RSRC1: variants seen among roughly 807,000 people sequenced by gnomAD.
The protein encoded by RSRC1 is arginine and serine rich coiled-coil 1.
Under a neutral mutation model 49.1 loss-of-function variants are expected in RSRC1, and 39 were observed. The ratio of observed to expected loss-of-function variants is 0.79; its 90% CI spans 0.61 to 1.04. The LOEUF is 1.04. Ranked by LOEUF, RSRC1 falls within the 50% of genes least tolerant of loss-of-function variation. The pLI is 0.00. For synonymous variants in RSRC1, 143 were observed against 130.8 expected (o/e 1.09, Z -0.63); for missense variants, 388 against 402.4 (o/e 0.96, Z 0.31).
chr3:158,120,533 T>C (rs1715174106), intron 1 of RSRC1, among the ~76,000 whole-genome samples: 1 of 147,504 alleles, frequency 6.8e-6, no homozygotes, highest in African/African-American at 2.5e-5. Context: ...TTATTAAATA[T>C]ATAAATAATA....
At chr3:158,434,533 T>A (rs897791549) in intron 6 of RSRC1, among the ~76,000 whole-genome samples, 2 of 151,944 alleles carry the variant, frequency 1.3e-5, no homozygotes, top group Admixed American at 6.6e-5. Context: ...ATTGGGTACT[T>A]TGTCCTCTGT....
chr3:158,203,160 G>C lies in RSRC1; in HGVS notation c.409G>C (p.Glu137Gln). 1 of 1,613,744 alleles carries C rather than the reference G, an allele frequency of 6.2e-7. No individual in the cohort carries two copies. The highest frequency in any genetic ancestry group is 1.3e-5 in the African/African-American group (1 of 75,004). ...RRTRSRSRDR[E>Q]RRKGRDKEKR... The stretch of plus-strand genomic sequence containing the variant: ...AACGCGTAGTCGGTCTCGGGATAGA[G>C]AACGACGTAAGGGCAGAGATAAAGA... Residue 137 changes from glutamate (E) to glutamine (Q), a missense_variant, in exon 4 of 10, where the codon GAA (glutamate) becomes CAA (glutamine). By Grantham distance (29) the Glu-to-Gln change is conservative (BLOSUM62 2). Coordinates refer to ENST00000611884, the MANE Select transcript of RSRC1 (RefSeq NM_001271838.2).
At chr3:158,471,150 A>G (rs75489790) in intron 7 of RSRC1, among the ~76,000 whole-genome samples, 2,724 of 152,310 alleles carry the variant, frequency 0.018, 54 homozygotes, top group East Asian at 0.097. Context: ...TTCTGAGTCA[A>G]GGGCTCTTTT....
At chr3:158,252,239 G>A (rs1054624869) in intron 4 of RSRC1, among the ~76,000 whole-genome samples, 13 of 151,250 alleles carry the variant, frequency 8.6e-5, no homozygotes, top group Non-Finnish European at 1.5e-4. Flanking sequence ...TCGGCTCACC[G>A]CAAGCTCCAC....
At chr3:158,519,712 A>ATT (rs1240976108) in intron 7 of RSRC1, among the ~76,000 whole-genome samples, 1 of 152,124 alleles carries the variant, frequency 6.6e-6, no homozygotes, top group Admixed American at 6.6e-5. Flanking sequence ...GATGCTTTGA[A>ATT]TTTAAGGGGT....
At chr3:158,197,380 A>G (rs1278509123) in intron 3 of RSRC1, among the ~76,000 whole-genome samples, 1 of 150,134 alleles carries the variant, frequency 6.7e-6, no homozygotes, top group Non-Finnish European at 1.5e-5. Flanking sequence ...CGTCTATTGG[A>G]TTCTTCTCTC....
chr3:158,363,059 A>G (rs1018255040), intron 6 of RSRC1, among the ~76,000 whole-genome samples: 2 of 152,216 alleles, frequency 1.3e-5, no homozygotes, highest in Non-Finnish European at 2.9e-5. Context: ...TCTGCATAGT[A>G]TCTACAACCT....
At chr3:158,365,150 T>C (rs1731691646) in intron 6 of RSRC1, among the ~76,000 whole-genome samples, 1 of 152,144 alleles carries the variant, frequency 6.6e-6, no homozygotes, top group African/African-American at 2.4e-5. Flanking sequence ...TTTATTTATT[T>C]CATTTTTTTA....
At chr3:158,500,896 C>T (rs774730887) in intron 7 of RSRC1, among the ~76,000 whole-genome samples, 2 of 151,862 alleles carry the variant, frequency 1.3e-5, no homozygotes, top group Non-Finnish European at 2.9e-5. Flanking sequence ...CTTTCTTCTG[C>T]TGAGTTTGGG....
chr3:158,441,534 A>T (rs1290552913), intron 6 of RSRC1, among the ~76,000 whole-genome samples: 1 of 152,062 alleles, frequency 6.6e-6, no homozygotes, highest in Non-Finnish European at 1.5e-5. Context: ...TGGGGTCACA[A>T]GATGTGTTAT....
chr3:158,145,452 T>C (rs1328302059), intron 3 of RSRC1, among the ~76,000 whole-genome samples: 1 of 152,150 alleles, frequency 6.6e-6, no homozygotes, highest in South Asian at 2.1e-4. Flanking sequence ...AGATATGTGG[T>C]ATTATTTCTG....
intron 4 of RSRC1, among the ~76,000 whole-genome samples, chr3:158,223,666 T>C (rs376428477): frequency 7.3e-5 from 11 of 151,426 alleles, no homozygotes; most frequent in Admixed American, 2.0e-4. Flanking sequence ...TTCTTAAAAA[T>C]GTAAGTCATG....
chr3:158,160,284 T>TA (rs1559923880), intron 3 of RSRC1, among the ~76,000 whole-genome samples: 1 of 152,200 alleles, frequency 6.6e-6, no homozygotes, highest in Non-Finnish European at 1.5e-5. Flanking sequence ...AATTTTAAAA[T>TA]AAATTTCTAC....
chr3:158,366,418 T>G (rs1731771549), intron 6 of RSRC1, among the ~76,000 whole-genome samples: 1 of 152,166 alleles, frequency 6.6e-6, no homozygotes, highest in Admixed American at 6.5e-5. Flanking sequence ...TTTCCCCATT[T>G]CTTGTTTTTG....
At chr3:158,449,449 T>C (rs1230950090) in intron 6 of RSRC1, among the ~76,000 whole-genome samples, 1 of 151,942 alleles carries the variant, frequency 6.6e-6, no homozygotes, top group Non-Finnish European at 1.5e-5. Flanking sequence ...TACTGCAGAA[T>C]GTCTGAGAGC....
chr3:158,428,017 T>C (rs1219563204), intron 6 of RSRC1, among the ~76,000 whole-genome samples: 1 of 151,854 alleles, frequency 6.6e-6, no homozygotes, highest in African/African-American at 2.4e-5. Flanking sequence ...ACTGCTATAT[T>C]TCTGTCTATG....
chr3:158,211,755 A>T (rs1350374837), intron 4 of RSRC1, among the ~76,000 whole-genome samples: 1 of 151,990 alleles, frequency 6.6e-6, no homozygotes, highest in African/African-American at 2.4e-5. Context: ...AATAGAGAAG[A>T]TGTTAACTAT....
Position 158,545,629 on chromosome 3 carries a change from G to C in RSRC1, c.*1354G>C, listed in dbSNP as rs1713299896. The C allele has an allele frequency of 6.6e-6, 1 of 152,108 alleles. No homozygotes were observed. Among genetic ancestry groups the C allele is most frequent in the African/African-American group, 2.4e-5 (1 of 41,404 alleles). The allele number at this position is 152,108 out of a possible 1,614,324, so 9.4% of individuals were successfully genotyped here. A position where few individuals can be genotyped will look rare whatever the true frequency, so the allele number is the denominator to read the frequency against. ...TAGTTGCAAACAGTATAGAAAATAA[G>C]TGATGATGAAATATTTGTTTTCATA... On this transcript the variant is annotated 3_prime_UTR_variant, in exon 10 of 10. Coordinates refer to ENST00000611884, the MANE Select transcript of RSRC1 (RefSeq NM_001271838.2).
chr3:158,215,115 G>A (rs2108292435), intron 4 of RSRC1, among the ~76,000 whole-genome samples: 1 of 151,628 alleles, frequency 6.6e-6, no homozygotes, highest in East Asian at 1.9e-4. Context: ...TGGTGATTTG[G>A]TGCTTTCATC....
Sources: gnomAD v4.1 joint callset for allele counts (sites outside exome capture counted in the v4.1 genomes callset) on GRCh38, gnomAD v4.1.1 for gene constraint, MANE v1.5 for transcripts, NCBI Gene and HGNC (gene_info 2026-07-23, HGNC 2026-07-21) for gene names.